SCAMP5: variants seen among roughly 807,000 people sequenced by gnomAD.
The protein encoded by SCAMP5 is secretory carrier membrane protein 5.
Under a neutral mutation model 28.3 loss-of-function variants are expected in SCAMP5, and 7 were observed. That is an observed-to-expected ratio of 0.25 (90% CI 0.14 to 0.46). The LOEUF is 0.46. Among genes scored for constraint, SCAMP5 ranks in the 20% least tolerant of loss-of-function variants. The pLI is 0.99. For synonymous variants in SCAMP5, 117 were observed against 116.4 expected, an observed-to-expected ratio of 1.00 and a Z score of -0.03; for missense variants, 192 against 312.5, an observed-to-expected ratio of 0.61 and a Z score of 2.91.
At chr15:74,998,674 ACCC>A (rs985036553) in intron 1 of SCAMP5, among the ~76,000 whole-genome samples, 1 of 105,436 alleles carries the variant, frequency 9.5e-6, no homozygotes, top group African/African-American at 3.6e-5. Flanking sequence ...CCAACCCCCC[ACCC>A]CCCATTTCAA....
chr15:75,015,617 T>G (rs940176756), intron 3 of SCAMP5, among the ~76,000 whole-genome samples: 1 of 152,122 alleles, frequency 6.6e-6, no homozygotes, highest in South Asian at 2.1e-4. Flanking sequence ...GGAGCTGGCA[T>G]GAGTGTTATC....
At position 75,012,667 on chromosome 15, in the gene SCAMP5, T is replaced by C. The variant is rs1176406150; in HGVS notation, c.8-10T>C. On this transcript the variant is annotated splice_polypyrimidine_tract_variant and intron_variant, in intron 2 of 6. Transcript: ENST00000425597. ...TGGAGGTGATGTTGTGCAATGTGTC[T>C]CATCCACAGAGAAAGTGAACAACTT... is the stretch of plus-strand genomic sequence containing the variant. 6.2e-7 allele frequency: 1 copy of C among 1,613,938 alleles called. No homozygotes were observed. Among genetic ancestry groups the C allele is most frequent in the Non-Finnish European group, 8.5e-7 (1 of 1,179,814 alleles).
At chr15:75,007,427 G>A (rs58294763) in intron 1 of SCAMP5, among the ~76,000 whole-genome samples, 26,940 of 151,980 alleles carry the variant, frequency 0.18, 3,584 homozygotes, top group South Asian at 0.43. Context: ...TTGCTCTGCC[G>A]CCCGGGCTGG....
At chr15:74,997,388 A>G (rs945727020) in intron 1 of SCAMP5, 3 of 152,242 alleles carry the variant, frequency 2.0e-5, no homozygotes, top group Non-Finnish European at 4.4e-5. Context: ...CCATTGGGAA[A>G]GTGTCCAAGT....
chr15:75,000,594 C>T (rs1379828545), intron 1 of SCAMP5, among the ~76,000 whole-genome samples: 1 of 151,634 alleles, frequency 6.6e-6, no homozygotes, highest in Non-Finnish European at 1.5e-5. Flanking sequence ...CCGTGTTAGC[C>T]AGGATGGTCT....
At chr15:75,006,669 A>T (rs2141436259) in intron 1 of SCAMP5, among the ~76,000 whole-genome samples, 1 of 152,166 alleles carries the variant, frequency 6.6e-6, no homozygotes, top group East Asian at 1.9e-4. Flanking sequence ...GGGCACCTGT[A>T]GTCCCAGCTA....
At chr15:75,006,337 G>C (rs1371348560) in intron 1 of SCAMP5, among the ~76,000 whole-genome samples, 1 of 151,898 alleles carries the variant, frequency 6.6e-6, no homozygotes. Flanking sequence ...TGTCACTTTG[G>C]ACTCATGGAT....
At chr15:75,015,573 A>G (rs2065851999) in intron 3 of SCAMP5, among the ~76,000 whole-genome samples, 1 of 152,072 alleles carries the variant, frequency 6.6e-6, no homozygotes, top group African/African-American at 2.4e-5. Context: ...ATGGGAGATG[A>G]TGAGGTTGCA....
chr15:75,004,392 A>G (rs1266708371), intron 1 of SCAMP5, among the ~76,000 whole-genome samples: 1 of 152,104 alleles, frequency 6.6e-6, no homozygotes, highest in Non-Finnish European at 1.5e-5. Flanking sequence ...GACGTTACAG[A>G]CCAGACACTG....
chr15:75,009,357 TC>T (rs2065789478), intron 1 of SCAMP5, among the ~76,000 whole-genome samples: 1 of 151,890 alleles, frequency 6.6e-6, no homozygotes, highest in South Asian at 2.1e-4. Context: ...CTGTATTTGA[TC>T]CCATATCACA....
intron 1 of SCAMP5, among the ~76,000 whole-genome samples, chr15:75,004,874 TG>T (rs1270165758): frequency 6.6e-6 from 1 of 151,832 alleles, no homozygotes; most frequent in African/African-American, 2.4e-5. Flanking sequence ...TTTATAGCTG[TG>T]ATTTTAAAAT....
intron 1 of SCAMP5, among the ~76,000 whole-genome samples, chr15:75,006,643 C>A (rs59307715): frequency 0.85 from 129,852 of 152,100 alleles, 56,858 homozygotes; most frequent in East Asian, 0.95. Context: ...CAAAAAAATT[C>A]GCCAGGTGTG....
rs745672391 is a variant in SCAMP5 at position 75,012,747 on chromosome 15, G to A, written c.78G>A (p.Glu26=). The change falls in exon 3 of 7, where the codon GAG becomes GAA. Residue 26 remains glutamate, a synonymous_variant. Coordinates refer to ENST00000425597, the MANE Select transcript of SCAMP5 (RefSeq NM_138967.4). ...PLKPCFYQDF[E]ADIPPQHVSM... is the part of the protein sequence containing the mutation. ...AGCCATGTTTCTACCAAGACTTCGAGGCAGATATTCCTCCCCAGCATGTCA... is the reference window on the plus strand; with the variant it reads ...AGCCATGTTTCTACCAAGACTTCGAAGCAGATATTCCTCCCCAGCATGTCA... 1.9e-6 allele frequency: 3 copies of A among 1,613,996 alleles called. No individual in the cohort carries two copies. The highest frequency in any genetic ancestry group is 3.3e-5 in the Admixed American group (2 of 60,034).
chr15:75,013,425 A>G (rs1044621054), intron 3 of SCAMP5, among the ~76,000 whole-genome samples: 7 of 152,180 alleles, frequency 4.6e-5, no homozygotes, highest in African/African-American at 1.7e-4. Context: ...AATGTCAGGC[A>G]CAGTGGTTCA....
At chr15:75,001,897 A>T (rs911878023) in intron 1 of SCAMP5, among the ~76,000 whole-genome samples, 2 of 147,966 alleles carry the variant, frequency 1.4e-5, no homozygotes, top group African/African-American at 5.0e-5. Context: ...AAAAAAAAAA[A>T]AGAGACTAAC....
chr15:75,013,323 A>G (rs1325036562), intron 3 of SCAMP5, among the ~76,000 whole-genome samples: 2 of 152,216 alleles, frequency 1.3e-5, no homozygotes, highest in Non-Finnish European at 2.9e-5. Context: ...GCCAAGCAGC[A>G]GGTTCCTCAT....
chr15:74,998,668 C>T (rs1330135798), intron 1 of SCAMP5, among the ~76,000 whole-genome samples: 1 of 148,912 alleles, frequency 6.7e-6, no homozygotes, highest in Non-Finnish European at 1.5e-5. Flanking sequence ...TCCCCTCCAA[C>T]CCCCCACCCC....
chr15:75,011,933 G>A (rs1595886737), intron 2 of SCAMP5, 87 bp downstream of exon 2: 1 of 1,097,240 alleles, frequency 9.1e-7, no homozygotes, highest in African/African-American at 1.5e-5. Context: ...ATCTCCCCTA[G>A]TCTTTGGAGG....
At chr15:75,015,883 G>T (rs1174042076) in intron 3 of SCAMP5, among the ~76,000 whole-genome samples, 1 of 134,712 alleles carries the variant, frequency 7.4e-6, no homozygotes, top group Non-Finnish European at 1.5e-5. Context: ...CTGAGATCGC[G>T]CCACTGCACT....
Sources: allele counts gnomAD v4.1 joint callset (sites outside exome capture counted in the v4.1 genomes callset), GRCh38; gene constraint gnomAD v4.1.1; transcripts MANE v1.5; gene names NCBI Gene and HGNC (gene_info 2026-07-23, HGNC 2026-07-21).